The following NUP214 variants were observed in gnomAD, a reference collection of about 807,000 sequenced individuals.
NUP214 encodes nucleoporin 214.
A neutral mutation model predicts 196.2 loss-of-function variants in NUP214; 79 were observed. That is an observed-to-expected ratio of 0.40 (90% CI 0.34 to 0.49). NUP214 has a LOEUF of 0.49. NUP214 is among the 20% of genes least tolerant of loss of function. NUP214 has a pLI of 0.58. For missense variants in NUP214, 2,468 were observed against 2,539.0 expected, an observed-to-expected ratio of 0.97 and a Z score of 0.60; for synonymous variants, 1,020 against 990.5, an observed-to-expected ratio of 1.03 and a Z score of -0.56.
Position 131,197,253 on chromosome 9 carries a change from C to T in NUP214, c.3759C>T (p.Asp1253=), listed in dbSNP as rs751759156. Residue 1253 remains aspartate (D), a synonymous_variant, in exon 29 of 36, where the codon GAC becomes GAT. Coordinates refer to ENST00000359428, the MANE Select transcript of NUP214 (RefSeq NM_005085.4). The stretch of plus-strand genomic sequence containing the variant: ...CCACTAAAGAGTCAAGCCAGCCGGA[C>T]GCATTCTCATCTGGTGGGGGAAGCA... ...TPSTKESSQP[D]AFSSGGGSKP... is the part of the protein sequence containing the mutation. The T allele has an allele frequency of 7.4e-6, 12 of 1,614,168 alleles. No homozygotes were observed. Among genetic ancestry groups the T allele is most frequent in the East Asian group, 4.5e-5 (2 of 44,888 alleles).
intron 30 of NUP214, among the ~76,000 whole-genome samples, chr9:131,214,456 G>A (rs1834336975): frequency 6.6e-6 from 1 of 152,154 alleles, no homozygotes; most frequent in Non-Finnish European, 1.5e-5. Context: ...TATGCACAGT[G>A]GCCCCTTTCC....
chr9:131,125,871 C>G lies in NUP214; in HGVS notation c.45+122C>G. On this transcript the variant is annotated intron_variant, in intron 1 of 35. Coordinates refer to ENST00000359428, the MANE Select transcript of NUP214 (RefSeq NM_005085.4). This position sits in a 1 kb window ranked among gnomAD's most constrained non-coding sequence, Gnocchi z 4.1. ...CTGCTTGAACAGTTTACCGCGTTCA[C>G]AGCTCTCACCAGCGCGTCTGCCGCG... The G allele has an allele frequency of 9.1e-7, 1 of 1,097,784 alleles. No homozygotes were observed. Among genetic ancestry groups the G allele is most frequent in the Non-Finnish European group, 1.3e-6 (1 of 765,094 alleles). 68.0% of individuals were successfully genotyped at this position (1,097,784 alleles called of 1,614,324 possible).
chr9:131,179,922 T>C (rs1833224889), intron 24 of NUP214, among the ~76,000 whole-genome samples: 1 of 152,172 alleles, frequency 6.6e-6, no homozygotes, highest in Non-Finnish European at 1.5e-5. Flanking sequence ...ATTCCCAGCA[T>C]AGGGAAGGCA....
intron 21 of NUP214, 52 bp downstream of exon 21, chr9:131,164,196 TGTGTGTGTGTGCGCGCGCACATGCAC>T: frequency 6.8e-7 from 1 of 1,460,090 alleles, no homozygotes; most frequent in Non-Finnish European, 9.6e-7. Flanking sequence ...TGTGGTGGGG[TGTGTGTGTGTGCGCGCGCACATGCAC>T]GTGTGCATGT....
In NUP214 at chr9:131,233,511, T is replaced by G; in HGVS notation, c.*24T>G. On this transcript the variant is annotated 3_prime_UTR_variant, in exon 36 of 36. Coordinates refer to ENST00000359428, the MANE Select transcript of NUP214 (RefSeq NM_005085.4). ...GAGGGCGTGTCAGCAGGCCTTTCGATCCCTGGGACCAACCGCATCCTCAGC... is the reference window on the plus strand; with the variant it reads ...GAGGGCGTGTCAGCAGGCCTTTCGAGCCCTGGGACCAACCGCATCCTCAGC... 6.2e-7 allele frequency: 1 copy of G among 1,613,456 alleles called. No individual in the cohort carries two copies. The highest frequency in any genetic ancestry group is 8.5e-7 in the Non-Finnish European group (1 of 1,179,714).
intron 17 of NUP214, among the ~76,000 whole-genome samples, chr9:131,156,156 G>A (rs1348447337): frequency 1.4e-5 from 2 of 143,378 alleles, no homozygotes; most frequent in Non-Finnish European, 3.0e-5. Context: ...TTTTTGAGAC[G>A]GAGTCTTGCT....
chr9:131,219,964 T>G (rs1028822546), intron 31 of NUP214, among the ~76,000 whole-genome samples: 4 of 152,236 alleles, frequency 2.6e-5, no homozygotes, highest in African/African-American at 9.6e-5. Context: ...ATTTAATTGC[T>G]ATCCAGTTTA....
chr9:131,183,677 C>T (rs1310214652), intron 24 of NUP214, among the ~76,000 whole-genome samples: 1 of 152,040 alleles, frequency 6.6e-6, no homozygotes, highest in Non-Finnish European at 1.5e-5. Context: ...AAAGATGTTC[C>T]TCTACTTTAA....
Position 131,232,432 on chromosome 9 carries a change from G to T in NUP214, c.6239+124G>T, listed in dbSNP as rs1004528805. 8.1e-6 allele frequency: 8 copies of T among 988,878 alleles called. No individual in the cohort carries two copies. Among genetic ancestry groups the T allele is most frequent in the Non-Finnish European group, 1.3e-5 (8 of 623,892 alleles). The allele number at this position is 988,878 out of a possible 1,614,324, so 61.3% of individuals were successfully genotyped here. A position where few individuals can be genotyped will look rare whatever the true frequency, so the allele number is the denominator to read the frequency against. ...TTTCCTGTTTTTAGAGTTTGTCCTG[G>T]AAGTGTGGGGGTTCAGCAGCAGGGT... On this transcript the variant is annotated intron_variant, in intron 35 of 35. Coordinates refer to ENST00000359428, the MANE Select transcript of NUP214 (RefSeq NM_005085.4). The surrounding 1 kb of genome is among the most constrained non-coding windows in gnomAD (Gnocchi z 5.1).
chr9:131,189,076 G>A lies in NUP214; in HGVS notation c.3519G>A (p.Lys1173=). The change falls in exon 26 of 36, where the codon AAG becomes AAA. Residue 1173 remains lysine, a synonymous_variant. Coordinates refer to ENST00000359428, the MANE Select transcript of NUP214 (RefSeq NM_005085.4). ...AGGGGTCTCTAATAAATTCCCTTAAGCCATCTGGGCCTACACCAGCATCCG... is the reference window on the plus strand; with the variant it reads ...AGGGGTCTCTAATAAATTCCCTTAAACCATCTGGGCCTACACCAGCATCCG... ...AKQGSLINSL[K]PSGPTPASGQ... 2 of 1,613,898 alleles carry A rather than the reference G, an allele frequency of 1.2e-6. No homozygotes were observed. Among genetic ancestry groups the A allele is most frequent in the Non-Finnish European group, 1.7e-6 (2 of 1,179,858 alleles).
intron 10 of NUP214, 79 bp downstream of exon 10, chr9:131,139,486 A>G (rs908341185): frequency 5.7e-6 from 9 of 1,565,414 alleles, no homozygotes; most frequent in Non-Finnish European, 7.7e-6. Flanking sequence ...GTTACATGTT[A>G]CTGACAGAGT....
Position 131,228,204 on chromosome 9 carries a change from G to T in NUP214, c.5947G>T (p.Gly1983Trp), listed in dbSNP as rs768692963. The change falls in exon 33 of 36, where the codon GGG becomes TGG. Residue 1983 changes from glycine to tryptophan, a missense_variant. Transcript: ENST00000359428. Reference protein sequence around the residue: ...APVFGSPPTFGGSPGFGGVPA... With the variant: ...APVFGSPPTFWGSPGFGGVPA... ...AGTGTTTGGCAGCCCTCCTACTTTT[G>T]GGGGATCCCCTGGGTTTGGAGGGGT... 6.2e-7 allele frequency: 1 copy of T among 1,603,834 alleles called. No homozygotes were observed. The highest frequency in any genetic ancestry group is 8.5e-7 in the Non-Finnish European group (1 of 1,176,116).
intron 33 of NUP214, 103 bp downstream of exon 33, chr9:131,228,434 C>A: frequency 1.7e-6 from 2 of 1,155,536 alleles, no homozygotes; most frequent in Non-Finnish European, 1.2e-6. Flanking sequence ...GAGGTGAAGG[C>A]CCCTCCCTTG....
chr9:131,134,264 A>G (rs1831648168), intron 7 of NUP214, among the ~76,000 whole-genome samples: 1 of 152,120 alleles, frequency 6.6e-6, no homozygotes, highest in Non-Finnish European at 1.5e-5. Context: ...TTTTAATGGG[A>G]TAGTCAATAC....
At position 131,197,599 on chromosome 9, in the gene NUP214, C is replaced by A; in HGVS notation, c.4105C>A (p.Pro1369Thr). 1 of 1,614,188 alleles carries A rather than the reference C, an allele frequency of 6.2e-7. No individual in the cohort carries two copies. Among genetic ancestry groups the A allele is most frequent in the Non-Finnish European group, 8.5e-7 (1 of 1,180,038 alleles). The change falls in exon 29 of 36, where the codon CCC (proline) becomes ACC (threonine). Residue 1369 changes from proline to threonine, a missense_variant. Pro to Thr is a conservative substitution (Grantham distance 38, BLOSUM62 -1). Around this residue, in one of 5 missense-constraint regions of NUP214, gnomAD observed 1,801 missense variants for 1,779.4 expected, o/e 1.01. Coordinates refer to ENST00000359428, the MANE Select transcript of NUP214 (RefSeq NM_005085.4). ...STQPTKTSGV[P>T]SGFNFTAPPV... Reference sequence around the variant, plus strand: ...CCAGCCAACCAAGACGTCAGGCGTGCCCTCAGGGTTTAATTTTACTGCCCC... The same window carrying A: ...CCAGCCAACCAAGACGTCAGGCGTGACCTCAGGGTTTAATTTTACTGCCCC...
intron 31 of NUP214, among the ~76,000 whole-genome samples, chr9:131,221,852 C>CG (rs1021561254): frequency 1.3e-5 from 2 of 151,366 alleles, no homozygotes; most frequent in Non-Finnish European, 3.0e-5. Context: ...GCCCACCCCC[C>CG]CCAAAAAAAG....
rs528695111 is a variant in NUP214, at chr9:131,187,383, C to CTT, written c.3495+39_3495+40dup. 47,848 of 1,023,236 alleles carry CTT rather than the reference C, an allele frequency of 0.047. 185 individuals are homozygous for CTT. The highest frequency in any genetic ancestry group is 0.062 in the South Asian group (3,473 of 56,272). 63.4% of individuals were successfully genotyped at this position (1,023,236 alleles called of 1,614,324 possible). A position where few individuals can be genotyped will look rare whatever the true frequency, so the allele number is the denominator to read the frequency against. On this transcript the variant is annotated intron_variant, in intron 25 of 35. Transcript: ENST00000359428. Reference sequence around the variant, plus strand: ...CAAGCAGGTAACTTACTGATTTTTACTTTTTTTTTTTTTTTTTTTTTGAGA... The same window carrying CTT: ...CAAGCAGGTAACTTACTGATTTTTACTTTTTTTTTTTTTTTTTTTTTTTGAGA...
chr9:131,230,043 A>G (rs1834834439), intron 33 of NUP214: 2 of 281,682 alleles, frequency 7.1e-6, no homozygotes, highest in South Asian at 3.0e-5. Context: ...TGTGTGCTGG[A>G]CCATATCTGG....
At chr9:131,127,482 C>CT in intron 1 of NUP214, 42 bp from the exon 2 acceptor site, 1 of 1,512,196 alleles carries the variant, frequency 6.6e-7, no homozygotes, top group Non-Finnish European at 9.0e-7. Flanking sequence ...GTTTTAATTT[C>CT]TTTCTTTATT....
Sources: gnomAD v4.1 joint callset for allele counts (sites outside exome capture counted in the v4.1 genomes callset) on GRCh38, gnomAD v4.1.1 for gene constraint, gnomAD v4.1.1 regional missense constraint, Gnocchi (gnomAD v3.1) non-coding constraint, MANE v1.5 for transcripts, NCBI Gene and HGNC (gene_info 2026-07-23, HGNC 2026-07-21) for gene names.